Variants in FHIT observed in about 807,000 individuals in gnomAD.
FHIT encodes the protein fragile histidine triad diadenosine triphosphatase.
FHIT carries 19 observed loss-of-function variants against 17.9 expected under a neutral mutation model. That is an observed-to-expected ratio of 1.06 (90% CI 0.74 to 1.56). The LOEUF is 1.56. FHIT is among the 40% of genes most tolerant of loss of function. The pLI, the probability that FHIT is intolerant of heterozygous loss-of-function variation, is 0.00. For missense variants in FHIT, 248 were observed against 189.2 expected (o/e 1.31, Z -1.82); for synonymous variants, 81 against 69.7 (o/e 1.16, Z -0.81).
intron 5 of FHIT, among the ~76,000 whole-genome samples, chr3:60,189,005 C>T (rs935992265): frequency 2.6e-5 from 4 of 152,078 alleles, no homozygotes; most frequent in African/African-American, 7.2e-5. Context: ...ATCTGCAGCC[C>T]GGTGAATAAA....
intron 5 of FHIT, among the ~76,000 whole-genome samples, chr3:60,414,362 G>C (rs1702170109): frequency 6.6e-6 from 1 of 152,102 alleles, no homozygotes; most frequent in South Asian, 2.1e-4. Context: ...GACAGAAAGG[G>C]GCCTGAGCTG....
chr3:60,575,580 TAAG>T (rs1350537917), intron 4 of FHIT, among the ~76,000 whole-genome samples: 2 of 152,084 alleles, frequency 1.3e-5, no homozygotes, highest in African/African-American at 4.8e-5. Flanking sequence ...ATGAAAGAAT[TAAG>T]AAGACCACAG....
chr3:59,881,285 T>C (rs971940112), intron 8 of FHIT, among the ~76,000 whole-genome samples: 1 of 152,188 alleles, frequency 6.6e-6, no homozygotes, highest in Non-Finnish European at 1.5e-5. Flanking sequence ...ATATGTATGA[T>C]TTTTGCTACA....
At chr3:60,153,386 A>G (rs891202049) in intron 5 of FHIT, among the ~76,000 whole-genome samples, 24 of 137,266 alleles carry the variant, frequency 1.7e-4, no homozygotes, top group East Asian at 1.6e-3. Flanking sequence ...AAAAAAAAAA[A>G]GAGGAGGTGG....
intron 4 of FHIT, among the ~76,000 whole-genome samples, chr3:60,805,155 C>T (rs1701338093): frequency 6.6e-6 from 1 of 152,174 alleles, no homozygotes; most frequent in Non-Finnish European, 1.5e-5. Context: ...TTCATAGTTG[C>T]TTTGGCCCAA....
chr3:60,825,721 C>T (rs1304277344), intron 3 of FHIT, among the ~76,000 whole-genome samples: 1 of 152,176 alleles, frequency 6.6e-6, no homozygotes, highest in Non-Finnish European at 1.5e-5. Context: ...GGAACAGTTT[C>T]ATCCCAAAAC....
intron 5 of FHIT, among the ~76,000 whole-genome samples, chr3:60,387,866 G>A (rs1701071943): frequency 6.6e-6 from 1 of 152,082 alleles, no homozygotes; most frequent in African/African-American, 2.4e-5. Flanking sequence ...ACAGGTGTTT[G>A]GGTCCCAGGG....
chr3:60,587,814 T>C (rs955616957), intron 4 of FHIT, among the ~76,000 whole-genome samples: 17 of 152,032 alleles, frequency 1.1e-4, no homozygotes, highest in Non-Finnish European at 1.9e-4. Flanking sequence ...CATGGTAACA[T>C]CGGTTGTCTT....
chr3:60,433,628 G>A (rs1395195211), intron 5 of FHIT, among the ~76,000 whole-genome samples: 1 of 152,092 alleles, frequency 6.6e-6, no homozygotes, highest in Non-Finnish European at 1.5e-5. Flanking sequence ...GGTGTGAGGT[G>A]TCCTCTCACT....
At chr3:61,071,492 T>C (rs547644199) in intron 2 of FHIT, among the ~76,000 whole-genome samples, 61 of 152,256 alleles carry the variant, frequency 4.0e-4, no homozygotes, top group African/African-American at 1.4e-3. Context: ...TAAAGAGAAA[T>C]AGGGAGAAAC....
At chr3:60,584,127 G>C (rs2037831621) in intron 4 of FHIT, among the ~76,000 whole-genome samples, 1 of 151,962 alleles carries the variant, frequency 6.6e-6, no homozygotes, top group South Asian at 2.1e-4. Flanking sequence ...CTCTTAGCAG[G>C]GGTGTGCTAG....
chr3:60,464,327 A>G (rs1178449902), intron 5 of FHIT, among the ~76,000 whole-genome samples: 2 of 152,080 alleles, frequency 1.3e-5, no homozygotes, highest in Non-Finnish European at 2.9e-5. Context: ...GGTAAATGGG[A>G]TATACATCAT....
chr3:61,023,244 T>C (rs2032549993), intron 3 of FHIT, among the ~76,000 whole-genome samples: 1 of 152,212 alleles, frequency 6.6e-6, no homozygotes, highest in African/African-American at 2.4e-5. Flanking sequence ...CCATTCACAA[T>C]TGCTACAAAC....
At chr3:60,507,345 A>G (rs986178540) in intron 5 of FHIT, among the ~76,000 whole-genome samples, 11 of 152,196 alleles carry the variant, frequency 7.2e-5, no homozygotes, top group African/African-American at 2.7e-4. Flanking sequence ...TGAAAGAAAG[A>G]GGGAGGCCTG....
intron 4 of FHIT, among the ~76,000 whole-genome samples, chr3:60,539,057 A>G (rs1338495998): frequency 2.0e-5 from 3 of 152,198 alleles, no homozygotes; most frequent in Non-Finnish European, 4.4e-5. Context: ...CAAAGGGCTA[A>G]TATCCAGAAT....
At chr3:60,697,343 T>C (rs62251535) in intron 4 of FHIT, among the ~76,000 whole-genome samples, 5,199 of 152,242 alleles carry the variant, frequency 0.034, 113 homozygotes, top group South Asian at 0.086. Context: ...TACAATGTAT[T>C]GACTTGGGTG....
At chr3:59,964,138 A>G (rs1707814646) in intron 7 of FHIT, among the ~76,000 whole-genome samples, 1 of 152,212 alleles carries the variant, frequency 6.6e-6, no homozygotes, top group Admixed American at 6.5e-5. Context: ...TTTATCTTTA[A>G]TAACTTTAAA....
intron 4 of FHIT, among the ~76,000 whole-genome samples, chr3:60,678,986 A>C (rs573715094): frequency 1.7e-4 from 26 of 152,032 alleles, no homozygotes; most frequent in African/African-American, 5.5e-4. Context: ...GCAAAAAAAA[A>C]AGTGGTTTGC....
chr3:59,894,562 G>C (rs1372509842), intron 8 of FHIT, among the ~76,000 whole-genome samples: 1 of 152,056 alleles, frequency 6.6e-6, no homozygotes, highest in Non-Finnish European at 1.5e-5. Context: ...GTGGTGGAGT[G>C]GGACAAGTCA....
Sources: allele counts gnomAD v4.1 joint callset (sites outside exome capture counted in the v4.1 genomes callset), GRCh38; gene constraint gnomAD v4.1.1; transcripts MANE v1.5; gene names NCBI Gene and HGNC (gene_info 2026-07-23, HGNC 2026-07-21).